RBFOX2: variants seen among roughly 807,000 people sequenced by gnomAD.
RBFOX2 encodes RNA binding fox-1 homolog 2, also known as RNA binding protein fox-1 homolog 2.
RBFOX2 carries 10 observed loss-of-function variants against 49.1 expected under a neutral mutation model. The observed-to-expected ratio is 0.20, with a 90% confidence interval of 0.13 to 0.35. RBFOX2 has a LOEUF of 0.35. Among genes scored for constraint, RBFOX2 ranks in the 10% least tolerant of loss-of-function variants. RBFOX2 has a pLI of 1.00. For missense variants in RBFOX2, 323 were observed against 486.9 expected, an observed-to-expected ratio of 0.66 and a Z score of 3.17; for synonymous variants, 183 against 187.4, an observed-to-expected ratio of 0.98 and a Z score of 0.19.
At chr22:35,846,010 TTAATA>T (rs1440442179) in intron 1 of RBFOX2, among the ~76,000 whole-genome samples, 1 of 151,204 alleles carries the variant, frequency 6.6e-6, no homozygotes, top group Non-Finnish European at 1.5e-5. Flanking sequence ...AACTTGCATG[TTAATA>T]TAATTATATA....
intron 1 of RBFOX2, among the ~76,000 whole-genome samples, chr22:35,924,306 T>C (rs796150071): frequency 2.0e-5 from 3 of 152,308 alleles, no homozygotes; most frequent in African/African-American, 7.2e-5. Flanking sequence ...TAAACGATCC[T>C]GTGATCCACA....
chr22:36,025,090 G>T (rs2146583580), intron 1 of RBFOX2, among the ~76,000 whole-genome samples: 1 of 152,324 alleles, frequency 6.6e-6, no homozygotes, highest in African/African-American at 2.4e-5. Context: ...TTACAGGCGT[G>T]AGCCACTGCG....
intron 1 of RBFOX2, among the ~76,000 whole-genome samples, chr22:35,958,371 A>G (rs990855202): frequency 1.3e-5 from 2 of 152,182 alleles, no homozygotes; most frequent in Non-Finnish European, 2.9e-5. Flanking sequence ...ACCTGAAAGT[A>G]TACCTACCCC....
chr22:35,937,097 C>T (rs560805938), intron 1 of RBFOX2, among the ~76,000 whole-genome samples: 22 of 152,182 alleles, frequency 1.4e-4, no homozygotes, highest in Admixed American at 5.9e-4. Flanking sequence ...TAGTTCTCAA[C>T]CGCACTACAC....
At chr22:35,853,204 G>C (rs2042135801) in intron 1 of RBFOX2, among the ~76,000 whole-genome samples, 2 of 150,576 alleles carry the variant, frequency 1.3e-5, no homozygotes, top group South Asian at 4.2e-4. Flanking sequence ...TCAGGTGGCA[G>C]AATCATCTAA....
intron 1 of RBFOX2, among the ~76,000 whole-genome samples, chr22:35,949,539 A>C (rs1205408080): frequency 6.6e-6 from 1 of 152,224 alleles, no homozygotes; most frequent in Admixed American, 6.5e-5. Context: ...CAAGAGTTTC[A>C]ATCTCTCCGT....
At position 35,857,728 on chromosome 22, in the gene RBFOX2, A is replaced by G. The variant is rs191905262; in HGVS notation, c.-33-47724T>C. Among the ~76,000 whole-genome samples the G allele has an allele frequency of 4.3e-4, 65 of 152,334 alleles. 1 individual carries two copies. Among genetic ancestry groups the G allele is most frequent in the Admixed American group, 5.9e-4 (9 of 15,302 alleles). ...ATGTACTCCAAAAAAAGAAAAGTAG[A>G]GACAAAAGAAAAATGGGAGGTGGAG... On this transcript the variant is annotated intron_variant, in intron 1 of 13. Coordinates refer to the RBFOX2 transcript ENST00000359369.
At chr22:35,805,712 T>C (rs1460131624) in intron 2 of RBFOX2, among the ~76,000 whole-genome samples, 1 of 152,192 alleles carries the variant, frequency 6.6e-6, no homozygotes, top group Non-Finnish European at 1.5e-5. Context: ...TGCCAAAATC[T>C]GGAAGCAACC....
At chr22:35,806,405 G>A (rs1396337316) in intron 2 of RBFOX2, among the ~76,000 whole-genome samples, 1 of 151,966 alleles carries the variant, frequency 6.6e-6, no homozygotes, top group African/African-American at 2.4e-5. Flanking sequence ...ATAGCACAAA[G>A]GCGCGTGGGG....
At chr22:35,901,280 A>G (rs149330937) in intron 1 of RBFOX2, among the ~76,000 whole-genome samples, 1 of 152,304 alleles carries the variant, frequency 6.6e-6, no homozygotes, top group African/African-American at 2.4e-5. Context: ...CAAGACTGGA[A>G]AAAAAATCAC....
chr22:35,981,950 C>T (rs1402885987), intron 1 of RBFOX2, among the ~76,000 whole-genome samples: 4 of 152,292 alleles, frequency 2.6e-5, no homozygotes. Context: ...CAGGACCCCA[C>T]AATTATCCCT....
intron 1 of RBFOX2, among the ~76,000 whole-genome samples, chr22:35,899,566 C>CAAAAAAAAAAAAAAAAA (rs398061920): frequency 3.3e-5 from 3 of 90,068 alleles, no homozygotes; most frequent in South Asian, 3.8e-4. Flanking sequence ...TAAAACAAAA[C>CAAAAAAAAAAAAAAAAA]AAAAAAAAAA....
chr22:35,842,130 TTAA>T (rs773185857), upstream of RBFOX2, among the ~76,000 whole-genome samples: 19 of 152,188 alleles, frequency 1.2e-4, no homozygotes, highest in Non-Finnish European at 2.8e-4. Context: ...CGCTCCTAAA[TTAA>T]TAATCATTTT....
At chr22:35,930,592 G>A (rs1180822012) in intron 1 of RBFOX2, among the ~76,000 whole-genome samples, 2 of 152,008 alleles carry the variant, frequency 1.3e-5, no homozygotes, top group African/African-American at 4.8e-5. Context: ...CACTTTGGGA[G>A]GCTGAAGCAG....
At chr22:36,000,087 G>C (rs957608335) in intron 1 of RBFOX2, 1 of 147,514 alleles carries the variant, frequency 6.8e-6, no homozygotes, top group Non-Finnish European at 1.5e-5. Flanking sequence ...TGTTACCTCC[G>C]CCTCCCAGGT....
chr22:35,791,063 G>A (rs975882354), intron 2 of RBFOX2, among the ~76,000 whole-genome samples: 5 of 151,520 alleles, frequency 3.3e-5, no homozygotes, highest in Non-Finnish European at 7.4e-5. Context: ...AAACAAGCAA[G>A]CTAGAAAAAA....
intron 4 of RBFOX2, among the ~76,000 whole-genome samples, chr22:35,774,849 T>C (rs1490657451): frequency 2.0e-5 from 3 of 152,218 alleles, no homozygotes; most frequent in Non-Finnish European, 4.4e-5. Context: ...AGATATGGTA[T>C]GGAGTTGCTT....
At chr22:35,770,921 A>G (rs1179952869) in intron 4 of RBFOX2, among the ~76,000 whole-genome samples, 5 of 152,230 alleles carry the variant, frequency 3.3e-5, no homozygotes, top group African/African-American at 1.2e-4. Context: ...GCGAATCAAG[A>G]TACCAAAAAC....
chr22:35,811,618 T>C (rs924739095), intron 1 of RBFOX2, among the ~76,000 whole-genome samples: 1 of 152,168 alleles, frequency 6.6e-6, no homozygotes, highest in African/African-American at 2.4e-5. Context: ...GGAATGAAGA[T>C]TCTGTAACAG....
Sources: gnomAD v4.1 joint callset for allele counts (sites outside exome capture counted in the v4.1 genomes callset) on GRCh38, gnomAD v4.1.1 for gene constraint, MANE v1.5 for transcripts, NCBI Gene and HGNC (gene_info 2026-07-23, HGNC 2026-07-21) for gene names.